The following RBFOX1 variants were observed in gnomAD, a reference collection of about 807,000 sequenced individuals.
RBFOX1 encodes the protein RNA binding fox-1 homolog 1.
RBFOX1 carries 8 observed loss-of-function variants against 57.7 expected under a neutral mutation model. The ratio of observed to expected loss-of-function variants is 0.14; its 90% CI spans 0.08 to 0.25. The LOEUF is 0.25. Among genes scored for constraint, RBFOX1 ranks in the 10% least tolerant of loss-of-function variants. The pLI is 1.00. For synonymous variants in RBFOX1, 326 were observed against 222.4 expected (o/e 1.47, Z -4.15); for missense variants, 611 against 548.5 (o/e 1.11, Z -1.14).
At chr16:7,454,251 A>G (rs745457147) in intron 4 of RBFOX1, among the ~76,000 whole-genome samples, 11 of 152,154 alleles carry the variant, frequency 7.2e-5, no homozygotes. Flanking sequence ...CCCCCCAAAA[A>G]AAGTCATAGC....
At chr16:7,414,403 A>G (rs2149190270) in intron 4 of RBFOX1, among the ~76,000 whole-genome samples, 1 of 152,330 alleles carries the variant, frequency 6.6e-6, no homozygotes, top group African/African-American at 2.4e-5. Context: ...GAGAGGAAAG[A>G]TGGAATAAAG....
intron 12 of RBFOX1, among the ~76,000 whole-genome samples, chr16:7,661,945 T>A (rs1197587586): frequency 1.3e-5 from 2 of 152,162 alleles, no homozygotes; most frequent in Non-Finnish European, 2.9e-5. Flanking sequence ...GCATGTTCTT[T>A]CCTCACCTCT....
At chr16:6,239,941 TG>T (rs1473115048) in intron 1 of RBFOX1, among the ~76,000 whole-genome samples, 1 of 152,014 alleles carries the variant, frequency 6.6e-6, no homozygotes, top group Non-Finnish European at 1.5e-5. Flanking sequence ...TCCCCAATGG[TG>T]GGGGGTGTTT....
Position 6,700,662 on chromosome 16 carries a change from AAATAAT to A in RBFOX1, c.-16+46025_-16+46030del, listed in dbSNP as rs957583180. ...AACAAAAACGAAACTTCATCTCAAA[AAATAAT>A]AATAATAATAATTTTTTAAAAATTA... On this transcript the variant is annotated intron_variant, in intron 3 of 15. Coordinates refer to ENST00000550418, the MANE Select transcript of RBFOX1 (RefSeq NM_018723.4). Among the ~76,000 whole-genome samples, 8 of 152,078 alleles carry A rather than the reference AAATAAT, an allele frequency of 5.3e-5. No individual in the cohort carries two copies. In the East Asian group the frequency reaches 9.6e-4, roughly 18 times the overall value.
chr16:6,386,899 A>G (rs1371008284), intron 2 of RBFOX1, among the ~76,000 whole-genome samples: 1 of 152,136 alleles, frequency 6.6e-6, no homozygotes, highest in African/African-American at 2.4e-5. Context: ...AAGATATTGG[A>G]TTGTTTGAGG....
intron 2 of RBFOX1, among the ~76,000 whole-genome samples, chr16:6,516,722 ATGT>A (rs570197356): frequency 2.1e-3 from 318 of 152,314 alleles, no homozygotes; most frequent in Non-Finnish European, 4.0e-3. Context: ...AAATGAAAAA[ATGT>A]TGTTTTCTCC....
At chr16:6,520,622 A>AG (rs1391228825) in intron 2 of RBFOX1, among the ~76,000 whole-genome samples, 1 of 152,176 alleles carries the variant, frequency 6.6e-6, no homozygotes, top group Non-Finnish European at 1.5e-5. Context: ...TTTAGCTTGA[A>AG]GGGGAGGGCT....
At position 6,127,311 on chromosome 16, in the gene RBFOX1, A is replaced by G. The variant is rs143927633; in HGVS notation, c.-127+107319A>G. Among the ~76,000 whole-genome samples the G allele has an allele frequency of 3.3e-5, 5 of 151,236 alleles. No individual in the cohort carries two copies. In the East Asian group the frequency reaches 9.7e-4, roughly 29 times the overall value. ...AAAAAAAAAAAAATTGTTTTCCAGT[A>G]TTGTTTTTCTCCTGTTTCACCTTAT... is the stretch of plus-strand genomic sequence containing the variant. On this transcript the variant is annotated intron_variant, in intron 1 of 15. Coordinates refer to ENST00000550418, the MANE Select transcript of RBFOX1 (RefSeq NM_018723.4).
chr16:6,019,559 A>T lies in RBFOX1; in HGVS notation c.-560A>T. The stretch of plus-strand genomic sequence containing the variant: ...CCCCGGGAACAGCAGAGGCGGCGGC[A>T]CTGGCTGGACCCACGCGCGCGCCTC... On this transcript the variant is annotated 5_prime_UTR_variant, in exon 1 of 16. Coordinates refer to ENST00000550418, the MANE Select transcript of RBFOX1 (RefSeq NM_018723.4). The surrounding 1 kb of genome is among the most constrained non-coding windows in gnomAD (Gnocchi z 4.2). 5 of 1,129,672 alleles carry T rather than the reference A, an allele frequency of 4.4e-6. No homozygotes were observed. The highest frequency in any genetic ancestry group is 5.4e-6 in the Non-Finnish European group (5 of 922,672). The allele number at this position is 1,129,672 out of a possible 1,614,324, so 70.0% of individuals were successfully genotyped here.
intron 2 of RBFOX1, among the ~76,000 whole-genome samples, chr16:6,555,655 A>G (rs1227871660): frequency 6.6e-6 from 1 of 152,112 alleles, no homozygotes; most frequent in Non-Finnish European, 1.5e-5. Flanking sequence ...AGCCAAGATC[A>G]TGCCACTGCA....
chr16:6,052,052 G>C (rs1293624223), intron 1 of RBFOX1, among the ~76,000 whole-genome samples: 1 of 152,058 alleles, frequency 6.6e-6, no homozygotes, highest in African/African-American at 2.4e-5. Context: ...CCTGTTTTAT[G>C]AAAAACAAAA....
At chr16:6,722,918 G>C (rs1299767649) in intron 3 of RBFOX1, among the ~76,000 whole-genome samples, 1 of 152,194 alleles carries the variant, frequency 6.6e-6, no homozygotes, top group Non-Finnish European at 1.5e-5. Context: ...GAATATTTGT[G>C]GTTGGGGACT....
chr16:5,866,348 A>G (rs1366377082), intron 3 of RBFOX1, among the ~76,000 whole-genome samples: 3 of 152,158 alleles, frequency 2.0e-5, no homozygotes, highest in Non-Finnish European at 4.4e-5. Flanking sequence ...ATTACTTTCC[A>G]AAGGTCCAGT....
At position 6,344,555 on chromosome 16, in the gene RBFOX1, G is replaced by A. The variant is rs185939578; in HGVS notation, c.-64+27498G>A. On this transcript the variant is annotated intron_variant, in intron 2 of 15. Transcript: ENST00000550418. ...TGGGACTATAGGTACCCACCACTGC[G>A]CCCGGCTAATTTTTTGTATTTTTAG... Among the ~76,000 whole-genome samples the A allele has an allele frequency of 3.3e-4, 50 of 150,754 alleles. No homozygotes were observed. In the East Asian group the frequency reaches 4.1e-3, roughly 12 times the overall value.
intron 3 of RBFOX1, among the ~76,000 whole-genome samples, chr16:6,945,020 C>G (rs115321157): frequency 1.3e-5 from 2 of 152,172 alleles, no homozygotes; most frequent in South Asian, 4.2e-4. Flanking sequence ...AGCTCTTCTT[C>G]TTATCTTAAC....
intron 1 of RBFOX1, among the ~76,000 whole-genome samples, chr16:5,240,792 G>A (rs1343062496): frequency 6.6e-6 from 1 of 152,172 alleles, no homozygotes; most frequent in East Asian, 1.9e-4. Flanking sequence ...GCCCGTGTGC[G>A]TGGGATGGGG....
chr16:7,626,608 G>T (rs1387990579), intron 10 of RBFOX1, among the ~76,000 whole-genome samples: 2 of 152,164 alleles, frequency 1.3e-5, no homozygotes, highest in Non-Finnish European at 2.9e-5. Flanking sequence ...TTTCTTGTTA[G>T]AGTGGGTGAG....
intron 3 of RBFOX1, among the ~76,000 whole-genome samples, chr16:5,829,760 A>T (rs767007364): frequency 1.2e-4 from 19 of 152,304 alleles, no homozygotes; most frequent in Admixed American, 1.0e-3. Context: ...TTTGAAATGC[A>T]CCTGTTGCCC....
At chr16:7,344,246 C>G (rs950253408) in intron 4 of RBFOX1, among the ~76,000 whole-genome samples, 2 of 149,690 alleles carry the variant, frequency 1.3e-5, no homozygotes, top group African/African-American at 4.9e-5. Flanking sequence ...AAAGTCATTT[C>G]TGAGGATCAA....
Sources: allele counts gnomAD v4.1 joint callset (sites outside exome capture counted in the v4.1 genomes callset), GRCh38; gene constraint gnomAD v4.1.1; non-coding constraint Gnocchi (gnomAD v3.1); transcripts MANE v1.5; gene names NCBI Gene and HGNC (gene_info 2026-07-23, HGNC 2026-07-21).